The following PGBD5 variants were observed in gnomAD, a reference collection of about 807,000 sequenced individuals.
PGBD5 encodes piggyBac transposable element derived 5.
Under a neutral mutation model 47.9 loss-of-function variants are expected in PGBD5, and 14 were observed. That is an observed-to-expected ratio of 0.29 (90% CI 0.19 to 0.46). The LOEUF (loss-of-function observed/expected upper bound fraction) is 0.46, where lower values mean the gene tolerates loss of function less well. PGBD5 is among the 20% of genes least tolerant of loss of function. PGBD5 has a pLI of 1.00. For synonymous variants in PGBD5, 316 were observed against 306.3 expected (o/e 1.03, Z -0.33); for missense variants, 635 against 716.0 (o/e 0.89, Z 1.29).
chr1:230,360,358 C>T (rs6664306), intron 1 of PGBD5, among the ~76,000 whole-genome samples: 23,088 of 146,934 alleles, frequency 0.16, 3,728 homozygotes, highest in African/African-American at 0.41. Context: ...AGGTGAATCA[C>T]TGTGACCTGT....
chr1:230,410,009 A>AT (rs1407211910), intron 1 of PGBD5, among the ~76,000 whole-genome samples: 3 of 152,184 alleles, frequency 2.0e-5, no homozygotes, highest in Admixed American at 6.5e-5. Flanking sequence ...TTGTGTTAAA[A>AT]ATATATATAA....
At chr1:230,404,925 C>CAAA (rs57462323) in intron 1 of PGBD5, among the ~76,000 whole-genome samples, 1,281 of 66,082 alleles carry the variant, frequency 0.019, 34 homozygotes, top group South Asian at 0.073. Flanking sequence ...AACTCCATCT[C>CAAA]AAAAAAAAAA....
chr1:230,375,900 G>A (rs752975779), intron 1 of PGBD5, among the ~76,000 whole-genome samples: 18 of 151,064 alleles, frequency 1.2e-4, no homozygotes, highest in Non-Finnish European at 1.6e-4. Flanking sequence ...ACCAACAGCC[G>A]GGGTGTCAAT....
chr1:230,371,637 T>C (rs545709818), intron 1 of PGBD5, among the ~76,000 whole-genome samples: 1 of 152,344 alleles, frequency 6.6e-6, no homozygotes, highest in African/African-American at 2.4e-5. Context: ...CAAGGTGGAT[T>C]CTTTAATTCT....
intron 1 of PGBD5, among the ~76,000 whole-genome samples, chr1:230,388,359 C>G (rs1344371649): frequency 6.6e-6 from 1 of 151,922 alleles, no homozygotes; most frequent in African/African-American, 2.4e-5. Context: ...CAGACGCGCA[C>G]TGAATCGTCC....
intron 3 of PGBD5, among the ~76,000 whole-genome samples, chr1:230,337,839 G>A (rs1343217967): frequency 2.6e-5 from 4 of 152,162 alleles, no homozygotes; most frequent in Non-Finnish European, 4.4e-5. Context: ...CAAAGAGGAT[G>A]TGTGGGGACT....
At chr1:230,375,743 G>A (rs1668001766) in intron 1 of PGBD5, among the ~76,000 whole-genome samples, 1 of 147,558 alleles carries the variant, frequency 6.8e-6, no homozygotes, top group South Asian at 2.2e-4. Context: ...AGACAGAAGA[G>A]AGCTTTTTTC....
chr1:230,355,169 C>G (rs890269551), intron 2 of PGBD5, among the ~76,000 whole-genome samples: 1 of 152,210 alleles, frequency 6.6e-6, no homozygotes, highest in African/African-American at 2.4e-5. Flanking sequence ...GGCAGAGTTG[C>G]TCCCTTGGAC....
In PGBD5 at chr1:230,356,919, G is replaced by C; in HGVS notation, c.734C>G (p.Ser245Cys). 6.2e-7 allele frequency: 1 copy of C among 1,613,836 alleles called. No individual in the cohort carries two copies. Reference protein sequence around the residue: ...FLDSLQNSFDSAFRPSQTQVL... With the variant: ...FLDSLQNSFDCAFRPSQTQVL... ...CTGGGTTTGGGAAGGCCTGAAGGCA[G>C]AGTCGAAGCTGTTCTGCAGGGAGTC... The change falls in exon 2 of 7, where the codon TCT (serine) becomes TGT (cysteine). Residue 245 changes from serine (S) to cysteine (C), a missense_variant. Physicochemically the swap from Ser to Cys is moderately radical, Grantham distance 112. Transcript: ENST00000391860.
intron 1 of PGBD5, among the ~76,000 whole-genome samples, chr1:230,385,639 C>G (rs1474264193): frequency 1.3e-5 from 2 of 152,128 alleles, no homozygotes; most frequent in African/African-American, 2.4e-5. Context: ...TACCATAAAT[C>G]CCCACCATGC....
chr1:230,410,231 G>A (rs1324648736), intron 1 of PGBD5, among the ~76,000 whole-genome samples: 2 of 152,048 alleles, frequency 1.3e-5, no homozygotes, highest in Non-Finnish European at 2.9e-5. Flanking sequence ...ACGTATGTGT[G>A]CACCAAATAA....
At chr1:230,371,606 T>G (rs1461593001) in intron 1 of PGBD5, among the ~76,000 whole-genome samples, 2 of 152,318 alleles carry the variant, frequency 1.3e-5, no homozygotes, top group Non-Finnish European at 2.9e-5. Flanking sequence ...AGTCAGATTA[T>G]CCCTTCTGGA....
intron 3 of PGBD5, among the ~76,000 whole-genome samples, chr1:230,341,891 A>G (rs1667412259): frequency 6.6e-6 from 1 of 152,106 alleles, no homozygotes; most frequent in South Asian, 2.1e-4. Context: ...TGCTCCTATG[A>G]TTTTTAAATA....
At chr1:230,410,429 C>A (rs1657387283) in intron 1 of PGBD5, among the ~76,000 whole-genome samples, 1 of 152,062 alleles carries the variant, frequency 6.6e-6, no homozygotes, top group Non-Finnish European at 1.5e-5. Flanking sequence ...AGATTAACTG[C>A]ATATTTGGCA....
At chr1:230,354,737 C>T (rs1263243211) in intron 2 of PGBD5, among the ~76,000 whole-genome samples, 1 of 152,174 alleles carries the variant, frequency 6.6e-6, no homozygotes, top group Non-Finnish European at 1.5e-5. Context: ...ACACCCCTAG[C>T]CAACAGTCCC....
chr1:230,344,251 C>T lies in PGBD5; in HGVS notation c.894+6707G>A, dbSNP rs1330649277. ...AGTGAGCCGAGATCACGCCACTACA[C>T]TCCAGCCTGGGCAACAGAGGGAGAC... On this transcript the variant is annotated intron_variant, in intron 3 of 6. Coordinates refer to ENST00000391860, the MANE Select transcript of PGBD5 (RefSeq NM_001258311.2). 2.6e-5 allele frequency among the ~76,000 whole-genome samples: 4 copies of T among 152,124 alleles called. No individual in the cohort carries two copies. The East Asian group carries it at 5.8e-4, about 22-fold the overall frequency.
At chr1:230,332,107 T>C (rs12401370) in intron 5 of PGBD5, among the ~76,000 whole-genome samples, 59,210 of 138,038 alleles carry the variant, frequency 0.43, 12,845 homozygotes, top group Non-Finnish European at 0.47. Context: ...AGCACAAATC[T>C]GCACACAAAC....
intron 3 of PGBD5, among the ~76,000 whole-genome samples, chr1:230,342,744 G>T (rs1476181917): frequency 6.6e-6 from 1 of 152,146 alleles, no homozygotes; most frequent in Non-Finnish European, 1.5e-5. Context: ...TATGCACCTT[G>T]CAAGGCCCTT....
At chr1:230,369,201 G>A (rs1057496258) in intron 1 of PGBD5, among the ~76,000 whole-genome samples, 1 of 152,222 alleles carries the variant, frequency 6.6e-6, no homozygotes, top group Non-Finnish European at 1.5e-5. Context: ...TGGATGTGGA[G>A]GAGAGACCTG....
Sources: gnomAD v4.1 joint callset for allele counts (sites outside exome capture counted in the v4.1 genomes callset) on GRCh38, gnomAD v4.1.1 for gene constraint, MANE v1.5 for transcripts, NCBI Gene and HGNC (gene_info 2026-07-23, HGNC 2026-07-21) for gene names.